The following GPC1 variants were observed in gnomAD, a reference collection of about 807,000 sequenced individuals.
GPC1 encodes glypican-1.
GPC1 carries 26 observed loss-of-function variants against 51.5 expected under a neutral mutation model. That is an observed-to-expected ratio of 0.50 (90% CI 0.37 to 0.70). The LOEUF (loss-of-function observed/expected upper bound fraction) is 0.70, where lower values mean the gene tolerates loss of function less well. Among genes scored for constraint, GPC1 ranks in the 30% least tolerant of loss-of-function variants. The pLI, the probability that GPC1 is intolerant of heterozygous loss-of-function variation, is 0.00. For synonymous variants in GPC1, 380 were observed against 348.3 expected (o/e 1.09, Z -1.01); for missense variants, 775 against 800.5 (o/e 0.97, Z 0.38).
intron 2 of GPC1, among the ~76,000 whole-genome samples, chr2:240,460,693 G>A (rs1574776056): frequency 6.6e-6 from 1 of 152,104 alleles, no homozygotes; most frequent in Non-Finnish European, 1.5e-5. Flanking sequence ...TCCTATCTTT[G>A]ACCTGAAAAC....
At chr2:240,444,458 A>G (rs1320195616) in intron 1 of GPC1, among the ~76,000 whole-genome samples, 4 of 152,128 alleles carry the variant, frequency 2.6e-5, no homozygotes, top group Non-Finnish European at 2.9e-5. Flanking sequence ...GGGGTGATGG[A>G]TCTGGCTGCA....
At position 240,463,379 on chromosome 2, in the gene GPC1, C is replaced by G; in HGVS notation, c.750C>G (p.Val250=). ...VPLGPECSRA[V]MKLVYCAHCL... Reference sequence around the variant, plus strand: ...TGGGCCCGGAGTGCTCGAGAGCTGTCATGAAGCTGGTCTACTGTGCTCACT... The same window carrying G: ...TGGGCCCGGAGTGCTCGAGAGCTGTGATGAAGCTGGTCTACTGTGCTCACT... Residue 250 remains valine, a synonymous_variant, in exon 4 of 9, where the codon GTC becomes GTG. Transcript: ENST00000264039. The G allele has an allele frequency of 6.2e-7, 1 of 1,612,882 alleles. No individual in the cohort carries two copies. The highest frequency in any genetic ancestry group is 8.5e-7 in the Non-Finnish European group (1 of 1,179,882).
At chr2:240,455,849 G>C (rs1301485495) in intron 1 of GPC1, among the ~76,000 whole-genome samples, 1 of 152,196 alleles carries the variant, frequency 6.6e-6, no homozygotes, top group South Asian at 2.1e-4. Context: ...CGCCGGGCCG[G>C]AGCTCCGCAG....
chr2:240,444,299 A>G (rs2074036097), intron 1 of GPC1, among the ~76,000 whole-genome samples: 1 of 152,206 alleles, frequency 6.6e-6, no homozygotes, highest in African/African-American at 2.4e-5. Context: ...CAGGAAGTAC[A>G]ACGCTGCTAG....
Position 240,466,353 on chromosome 2 carries a change from A to G in GPC1, c.*63A>G. On this transcript the variant is annotated 3_prime_UTR_variant, in exon 9 of 9. Transcript: ENST00000264039. ...CTTTGCCAAAAATACAACACAGACG[A>G]TATTTAATTCACCTCAGCCTGGAGA... 2.1e-6 allele frequency: 2 copies of G among 933,528 alleles called. No homozygotes were observed. The highest frequency in any genetic ancestry group is 1.5e-5 in the South Asian group (1 of 68,692). 57.8% of individuals were successfully genotyped at this position (933,528 alleles called of 1,614,324 possible).
At chr2:240,436,118 TGGCCGGGCTTTG>T in intron 1 of GPC1, 34 bp downstream of exon 1, 6 of 1,242,174 alleles carry the variant, frequency 4.8e-6, no homozygotes, top group Non-Finnish European at 6.1e-6. Flanking sequence ...AACCCGGGCC[TGGCCGGGCTTTG>T]GGCTCCGGAC....
At position 240,435,955 on chromosome 2, in the gene GPC1, GC is replaced by G; in HGVS notation, c.38del (p.Ala13GlyfsTer34). 7.7e-7 allele frequency: 1 copy of G among 1,306,932 alleles called. No homozygotes were observed. The highest frequency in any genetic ancestry group is 9.7e-7 in the Non-Finnish European group (1 of 1,028,412). The allele number at this position is 1,306,932 out of a possible 1,614,324, so 81.0% of individuals were successfully genotyped here. On this transcript the variant is annotated frameshift_variant, in exon 1 of 9. Transcript: ENST00000264039. LOFTEE classifies it high-confidence loss of function. ...GGCCCGAGGCTGGTGGCTGCTATGT[GC>G]GGCCGCAGCGCTGGTCGCCTGCGCC... ...LRARGWWLLCAAAALVACARG... is the reference protein window; with the variant it reads ...LRARGWWLLCXAAALVACARG...
intron 1 of GPC1, among the ~76,000 whole-genome samples, chr2:240,441,962 C>A (rs1479231307): frequency 2.0e-5 from 3 of 152,172 alleles, no homozygotes; most frequent in African/African-American, 7.2e-5. Flanking sequence ...AGGGGCATAC[C>A]CCACTGCCCC....
chr2:240,465,196 G>A lies in GPC1; in HGVS notation c.1254G>A (p.Gly418=), dbSNP rs775576785. The change falls in exon 7 of 9, where the codon GGG becomes GGA. Residue 418 remains glycine (G), a synonymous_variant. Transcript: ENST00000264039. ...STASDDRCWN[G]MARGRYLPEV... ...CCAGTGATGACCGCTGCTGGAACGG[G>A]ATGGCCAGAGGCCGGTAGGTGCCCA... 4 of 1,609,730 alleles carry A rather than the reference G, an allele frequency of 2.5e-6. No homozygotes were observed. The highest frequency in any genetic ancestry group is 3.3e-5 in the Admixed American group (2 of 59,822).
At chr2:240,445,725 A>AT (rs1384616100) in intron 1 of GPC1, among the ~76,000 whole-genome samples, 2 of 152,104 alleles carry the variant, frequency 1.3e-5, no homozygotes, top group African/African-American at 4.8e-5. Context: ...AGAATTTAGC[A>AT]TTTTTTCTTA....
rs1460209994 is a variant in GPC1, at chr2:240,466,954, C to T, written c.*664C>T. 2 of 152,396 alleles carry T rather than the reference C, an allele frequency of 1.3e-5. No homozygotes were observed. The highest frequency in any genetic ancestry group is 3.9e-4 in the East Asian group (2 of 5,186). The allele number at this position is 152,396 out of a possible 1,614,324, so 9.4% of individuals were successfully genotyped here. ...CCTCCCACAGACCTGCAGTGAGGGG[C>T]CCTCCATGCGCAGATGAGGGGCCAC... On this transcript the variant is annotated 3_prime_UTR_variant, in exon 9 of 9. Transcript: ENST00000264039.
In GPC1 at chr2:240,466,569, T is replaced by C. The variant is rs2151797944; in HGVS notation, c.*279T>C. On this transcript the variant is annotated 3_prime_UTR_variant, in exon 9 of 9. Coordinates refer to ENST00000264039, the MANE Select transcript of GPC1 (RefSeq NM_002081.3). Reference sequence around the variant, plus strand: ...AGGGGCACCTCCGGCTGCCTAGCCCTCCCCCCAGCTCCCTGCACCGCCGCA... The same window carrying C: ...AGGGGCACCTCCGGCTGCCTAGCCCCCCCCCCAGCTCCCTGCACCGCCGCA... The C allele has an allele frequency of 6.8e-6, 3 of 440,388 alleles. No homozygotes were observed. The highest frequency in any genetic ancestry group is 3.7e-5 in the East Asian group (1 of 26,894). The allele number at this position is 440,388 out of a possible 1,614,324, so 27.3% of individuals were successfully genotyped here. A position where few individuals can be genotyped will look rare whatever the true frequency, so the allele number is the denominator to read the frequency against.
chr2:240,449,020 T>TG (rs1234918750), intron 1 of GPC1, among the ~76,000 whole-genome samples: 2 of 151,958 alleles, frequency 1.3e-5, no homozygotes, highest in South Asian at 2.1e-4. Context: ...GTCTGAGACC[T>TG]GGGGGGGAAG....
chr2:240,463,076 C>G (rs1171740423), intron 3 of GPC1, among the ~76,000 whole-genome samples: 1 of 152,188 alleles, frequency 6.6e-6, no homozygotes, highest in Non-Finnish European at 1.5e-5. Context: ...CCCCCACCTC[C>G]AGGCTCCTGG....
Position 240,465,520 on chromosome 2 carries a change from AC to A in GPC1, c.1320del (p.Glu441ArgfsTer11). 1 of 1,613,086 alleles carries A rather than the reference AC, an allele frequency of 6.2e-7. No individual in the cohort carries two copies. The highest frequency in any genetic ancestry group is 2.2e-5 in the East Asian group (1 of 44,868). ...MGDGLANQIN[N>X]PEVEVDITKP... ...GACGGCCTGGCCAACCAGATCAACA[AC>A]CCCGAGGTGGAGGTGGACATCACCA... On this transcript the variant is annotated frameshift_variant, in exon 8 of 9. Transcript: ENST00000264039. LOFTEE classifies it high-confidence loss of function.
intron 2 of GPC1, among the ~76,000 whole-genome samples, chr2:240,461,918 G>A (rs1426146758): frequency 3.3e-5 from 5 of 152,060 alleles, no homozygotes; most frequent in African/African-American, 1.2e-4. Context: ...CCAGGGCTCA[G>A]CTCAGAAACT....
At chr2:240,460,599 C>T (rs1277550211) in intron 2 of GPC1, among the ~76,000 whole-genome samples, 1 of 152,198 alleles carries the variant, frequency 6.6e-6, no homozygotes, top group Non-Finnish European at 1.5e-5. Context: ...CGCTGCCCTG[C>T]TCTGGGGCCT....
At position 240,465,077 on chromosome 2, in the gene GPC1, G is replaced by T; in HGVS notation, c.1135G>T (p.Val379Phe). 1 of 1,603,242 alleles carries T rather than the reference G, an allele frequency of 6.2e-7. No individual in the cohort carries two copies. Among genetic ancestry groups the T allele is most frequent in the Non-Finnish European group, 8.5e-7 (1 of 1,175,842 alleles). ...CAGTGGCCTGACTGCTGCCCCACAG[G>T]TCTCCGAAGCCAAGGCCCAGCTCCG... ...RPPSGTLEKLVSEAKAQLRDV... is the reference protein window; with the variant it reads ...RPPSGTLEKLFSEAKAQLRDV... Residue 379 changes from valine to phenylalanine, a missense_variant and splice_region_variant, in exon 7 of 9, where the codon GTC becomes TTC. By Grantham distance (50) the Val-to-Phe change is conservative. Coordinates refer to ENST00000264039, the MANE Select transcript of GPC1 (RefSeq NM_002081.3).
chr2:240,441,371 C>T (rs937541332), intron 1 of GPC1, among the ~76,000 whole-genome samples: 1 of 142,688 alleles, frequency 7.0e-6, no homozygotes, highest in African/African-American at 2.5e-5. Context: ...GGCCTGGGGC[C>T]CCACATCTGC....
Sources: allele counts gnomAD v4.1 joint callset (sites outside exome capture counted in the v4.1 genomes callset), GRCh38; gene constraint gnomAD v4.1.1; transcripts MANE v1.5; gene names NCBI Gene and HGNC (gene_info 2026-07-23, HGNC 2026-07-21).